Variants in NFIB observed in about 807,000 individuals in gnomAD.
NFIB encodes nuclear factor I B.
Under a neutral mutation model 61.5 loss-of-function variants are expected in NFIB, and 11 were observed. The observed-to-expected ratio is 0.18, with a 90% CI of 0.11 to 0.30. NFIB has a LOEUF of 0.30. NFIB is among the 10% of genes least tolerant of loss of function. NFIB has a pLI of 1.00. For missense variants in NFIB, 471 were observed against 608.9 expected (o/e 0.77, Z 2.38); for synonymous variants, 260 against 216.5 (o/e 1.20, Z -1.76).
chr9:14,522,047 T>C, the NFIB span, among the ~76,000 whole-genome samples: 2 of 152,178 alleles, frequency 1.3e-5, no homozygotes, highest in Non-Finnish European at 2.9e-5. Context: ...GGAAGTAAAG[T>C]GAAGGGAAAC....
upstream of NFIB, among the ~76,000 whole-genome samples, chr9:14,315,265 G>C (rs2060488072): frequency 1.3e-5 from 2 of 151,584 alleles, no homozygotes; most frequent in Admixed American, 6.6e-5. Flanking sequence ...CGAGGCAGTC[G>C]CGGCGCGCGG....
intron 2 of NFIB, among the ~76,000 whole-genome samples, chr9:14,275,809 C>T (rs917746955): frequency 1.3e-5 from 2 of 152,028 alleles, no homozygotes; most frequent in African/African-American, 4.8e-5. Flanking sequence ...CCCTCACTTC[C>T]CTATCTCTAT....
At chr9:14,122,433 A>G (rs1294916554) in intron 7 of NFIB, among the ~76,000 whole-genome samples, 3 of 152,210 alleles carry the variant, frequency 2.0e-5, no homozygotes, top group Non-Finnish European at 4.4e-5. Flanking sequence ...CAAAATGTAT[A>G]TTTTAAATAA....
At chr9:14,267,767 G>A (rs993632843) in intron 2 of NFIB, among the ~76,000 whole-genome samples, 11 of 152,160 alleles carry the variant, frequency 7.2e-5, no homozygotes, top group African/African-American at 2.2e-4. Flanking sequence ...TAGGAACATC[G>A]GTGGTATGAC....
chr9:14,469,581 C>T, the NFIB span, among the ~76,000 whole-genome samples: 2 of 152,178 alleles, frequency 1.3e-5, no homozygotes, highest in Admixed American at 1.3e-4. Flanking sequence ...AATCCTTCAG[C>T]AGGTGCCTGA....
At chr9:14,473,128 C>T in the NFIB span, among the ~76,000 whole-genome samples, 1 of 152,212 alleles carries the variant, frequency 6.6e-6, no homozygotes, top group Admixed American at 6.5e-5. Context: ...ATGGACACTT[C>T]TTAGCTCTCA....
At position 14,313,237 on chromosome 9, in the gene NFIB, G is replaced by A. The variant is rs2060371343; in HGVS notation, c.30+245C>T. On this transcript the variant is annotated intron_variant, in intron 1 of 10. Transcript: ENST00000380953. The surrounding 1 kb of genome is among the most constrained non-coding windows in gnomAD (Gnocchi z 4.5). ...TCCCGGCCCTGCCCACCCCCCGGCG[G>A]CCTTGCCCGGCCCAGCGCCCGCGCT... Among the ~76,000 whole-genome samples, 1 of 151,546 alleles carries A rather than the reference G, an allele frequency of 6.6e-6. No individual in the cohort carries two copies. The highest frequency in any genetic ancestry group is 6.6e-5 in the Admixed American group (1 of 15,196).
the NFIB span, among the ~76,000 whole-genome samples, chr9:14,501,900 A>T: frequency 6.6e-6 from 1 of 152,218 alleles, no homozygotes; most frequent in Admixed American, 6.5e-5. Flanking sequence ...TGGAAGAATT[A>T]TTACAGAACA....
chr9:14,522,111 T>C, the NFIB span, among the ~76,000 whole-genome samples: 31 of 152,314 alleles, frequency 2.0e-4, no homozygotes, highest in African/African-American at 7.5e-4. Flanking sequence ...ATTGATTGAT[T>C]TTTTAATTAA....
intron 2 of NFIB, among the ~76,000 whole-genome samples, chr9:14,267,049 G>A (rs1159295759): frequency 6.6e-6 from 1 of 152,054 alleles, no homozygotes; most frequent in Non-Finnish European, 1.5e-5. Context: ...ACAGGGAAAA[G>A]AAGAAAACTA....
chr9:14,259,271 A>C lies in NFIB; in HGVS notation c.562+47718T>G, dbSNP rs553770927. On this transcript the variant is annotated intron_variant, in intron 2 of 10. Transcript: ENST00000380953. ...AGTGAAGAGAAAGTGAAAAGGCCTAAGGAAGTGATGGTTCTTGGAAGAATA... is the reference window on the plus strand; with the variant it reads ...AGTGAAGAGAAAGTGAAAAGGCCTACGGAAGTGATGGTTCTTGGAAGAATA... 3.3e-5 allele frequency among the ~76,000 whole-genome samples: 5 copies of C among 152,364 alleles called. No homozygotes were observed. The South Asian group carries it at 8.3e-4, about 25-fold the overall frequency.
intron 2 of NFIB, among the ~76,000 whole-genome samples, chr9:14,268,442 C>T (rs557941929): frequency 6.6e-6 from 1 of 152,264 alleles, no homozygotes; most frequent in South Asian, 2.1e-4. Flanking sequence ...GTCACCCTCC[C>T]CTGATGGTTC....
intron 2 of NFIB, among the ~76,000 whole-genome samples, chr9:14,201,052 TCC>T (rs892611366): frequency 1.3e-5 from 2 of 152,166 alleles, no homozygotes; most frequent in Non-Finnish European, 2.9e-5. Context: ...GACTCTATCT[TCC>T]TTTCAAGCCT....
intron 1 of NFIB, among the ~76,000 whole-genome samples, chr9:14,351,436 C>T (rs74580896): frequency 6.6e-6 from 1 of 152,310 alleles, no homozygotes; most frequent in Non-Finnish European, 1.5e-5. Flanking sequence ...GATGCCTGGA[C>T]CTTGAATCAC....
intron 2 of NFIB, among the ~76,000 whole-genome samples, chr9:14,262,939 G>C (rs956002042): frequency 6.6e-6 from 1 of 152,048 alleles, no homozygotes; most frequent in Non-Finnish European, 1.5e-5. Context: ...AAAATTCAAT[G>C]TCGACATAAA....
At chr9:14,421,891 A>T in the NFIB span, among the ~76,000 whole-genome samples, 2 of 152,216 alleles carry the variant, frequency 1.3e-5, no homozygotes, top group Non-Finnish European at 2.9e-5. Flanking sequence ...GACTCCAAAG[A>T]TAATTCATGA....
At chr9:14,250,161 G>T (rs1362341123) in intron 2 of NFIB, among the ~76,000 whole-genome samples, 6 of 152,160 alleles carry the variant, frequency 3.9e-5, no homozygotes, top group African/African-American at 1.4e-4. Context: ...AGGGAGGAGG[G>T]TCTTTTGAGT....
the NFIB span, among the ~76,000 whole-genome samples, chr9:14,410,817 C>G: frequency 6.6e-6 from 1 of 152,148 alleles, no homozygotes; most frequent in African/African-American, 2.4e-5. Flanking sequence ...AAGACCCAGA[C>G]CACAAATGCA....
chr9:14,352,498 C>T (rs981453356), intron 1 of NFIB, among the ~76,000 whole-genome samples: 8 of 152,210 alleles, frequency 5.3e-5, no homozygotes, highest in African/African-American at 1.9e-4. Context: ...CACTGTTCCT[C>T]CTGCCCCTGC....
Sources: allele counts gnomAD v4.1 joint callset (sites outside exome capture counted in the v4.1 genomes callset), GRCh38; gene constraint gnomAD v4.1.1; non-coding constraint Gnocchi (gnomAD v3.1); transcripts MANE v1.5; gene names NCBI Gene and HGNC (gene_info 2026-07-23, HGNC 2026-07-21).